The following PTPRT variants were observed in gnomAD, a reference collection of about 807,000 sequenced individuals.
PTPRT encodes protein tyrosine phosphatase receptor type T.
In PTPRT, 56 loss-of-function variants were observed where a neutral mutation model predicts 176.8. That is an observed-to-expected ratio of 0.32 (90% CI 0.26 to 0.40). The LOEUF (loss-of-function observed/expected upper bound fraction) is 0.40, where lower values mean the gene tolerates loss of function less well. Ranked by LOEUF, PTPRT falls within the 10% of genes least tolerant of loss-of-function variation. The probability of loss-of-function intolerance (pLI) is 1.00; values close to 1 mark genes in which losing one functional copy is unlikely to be tolerated. For missense variants in PTPRT, 1,540 were observed against 1,908.2 expected (o/e 0.81, Z 3.60); for synonymous variants, 783 against 739.0 (o/e 1.06, Z -0.96).
chr20:42,272,550 C>T (rs892146615), intron 13 of PTPRT, among the ~76,000 whole-genome samples: 1 of 152,184 alleles, frequency 6.6e-6, no homozygotes, highest in Non-Finnish European at 1.5e-5. Flanking sequence ...TAACTGCTCT[C>T]CCATTCTGTA....
At chr20:43,034,397 G>A (rs887375782) in intron 1 of PTPRT, among the ~76,000 whole-genome samples, 6 of 152,100 alleles carry the variant, frequency 3.9e-5, no homozygotes, top group Admixed American at 2.0e-4. Flanking sequence ...TGCCTGGTAT[G>A]TGTTGTAGGC....
chr20:42,732,822 G>A (rs982125753), intron 6 of PTPRT, among the ~76,000 whole-genome samples: 1 of 152,110 alleles, frequency 6.6e-6, no homozygotes, highest in East Asian at 1.9e-4. Context: ...AAGGAAAAAT[G>A]TACTGATTTT....
At chr20:43,144,107 T>G (rs1398588432) in intron 1 of PTPRT, among the ~76,000 whole-genome samples, 1 of 152,118 alleles carries the variant, frequency 6.6e-6, no homozygotes, top group Non-Finnish European at 1.5e-5. Flanking sequence ...TGCACAGATA[T>G]CCATCCACTT....
chr20:43,048,718 T>C (rs1259558938), intron 1 of PTPRT, among the ~76,000 whole-genome samples: 1 of 152,216 alleles, frequency 6.6e-6, no homozygotes, highest in Non-Finnish European at 1.5e-5. Context: ...TTTATTTTTC[T>C]GGCGATAGTG....
intron 7 of PTPRT, among the ~76,000 whole-genome samples, chr20:42,674,919 A>AG (rs1414818222): frequency 0.019 from 2,850 of 152,252 alleles, 95 homozygotes; most frequent in African/African-American, 0.066. Context: ...AACCCAATTA[A>AG]TATATGAAAG....
chr20:42,208,995 C>T (rs1001341150), intron 15 of PTPRT, among the ~76,000 whole-genome samples: 3 of 152,188 alleles, frequency 2.0e-5, no homozygotes, highest in African/African-American at 7.2e-5. Flanking sequence ...AAGAATCTCA[C>T]TCAAAACCGC....
intron 7 of PTPRT, among the ~76,000 whole-genome samples, chr20:42,655,782 A>G (rs2145983501): frequency 6.6e-6 from 1 of 152,312 alleles, no homozygotes; most frequent in East Asian, 1.9e-4. Flanking sequence ...TGGAGTAGCT[A>G]TTTACCAAAT....
In PTPRT at chr20:42,403,448, A is replaced by G. The variant is rs142052332; in HGVS notation, c.1560+44772T>C. Reference sequence around the variant, plus strand: ...ATAAACAGATACCTTCCTCAAGTGCATCAAATAGTTACTACTACTACCTAC... The same window carrying G: ...ATAAACAGATACCTTCCTCAAGTGCGTCAAATAGTTACTACTACTACCTAC... On this transcript the variant is annotated intron_variant, in intron 9 of 30. Coordinates refer to ENST00000373187, the MANE Select transcript of PTPRT (RefSeq NM_007050.6). 4.4e-3 allele frequency among the ~76,000 whole-genome samples: 675 copies of G among 152,298 alleles called. 2 individuals are homozygous for G. The highest frequency in any genetic ancestry group is 0.015 in the African/African-American group (634 of 41,570).
intron 22 of PTPRT, among the ~76,000 whole-genome samples, 198 bp from the exon 23 acceptor site, chr20:42,110,685 C>T (rs1280878798): frequency 6.6e-6 from 1 of 152,192 alleles, no homozygotes; most frequent in Non-Finnish European, 1.5e-5. Context: ...TAAAACGAAA[C>T]CGATGGCTTT....
At chr20:42,392,789 T>C (rs1434466631) in intron 9 of PTPRT, among the ~76,000 whole-genome samples, 1 of 152,178 alleles carries the variant, frequency 6.6e-6, no homozygotes, top group Non-Finnish European at 1.5e-5. Context: ...GCATGGGTGG[T>C]GCAGGGAAGA....
At chr20:42,753,784 C>T (rs1406742277) in intron 6 of PTPRT, among the ~76,000 whole-genome samples, 1 of 152,254 alleles carries the variant, frequency 6.6e-6, no homozygotes, top group Non-Finnish European at 1.5e-5. Context: ...GGATGCTCCA[C>T]CACATCCTCT....
At chr20:42,449,939 G>A (rs923261071) in intron 8 of PTPRT, among the ~76,000 whole-genome samples, 8 of 152,066 alleles carry the variant, frequency 5.3e-5, no homozygotes, top group African/African-American at 1.9e-4. Flanking sequence ...ATTAAAAAAA[G>A]ATATGCCTAT....
At chr20:42,930,242 G>A (rs1568685469) in intron 1 of PTPRT, among the ~76,000 whole-genome samples, 1 of 152,146 alleles carries the variant, frequency 6.6e-6, no homozygotes, top group Non-Finnish European at 1.5e-5. Context: ...CCACCCAACT[G>A]CCCTCCTAGG....
intron 2 of PTPRT, among the ~76,000 whole-genome samples, chr20:42,824,144 A>G (rs1455026930): frequency 6.6e-6 from 1 of 152,110 alleles, no homozygotes; most frequent in Non-Finnish European, 1.5e-5. Context: ...AGATACAGGT[A>G]ACGATTCTGA....
intron 1 of PTPRT, among the ~76,000 whole-genome samples, chr20:42,974,616 C>T (rs1174137305): frequency 6.6e-6 from 1 of 152,128 alleles, no homozygotes; most frequent in Admixed American, 6.5e-5. Flanking sequence ...GAAATGAGAT[C>T]ATATCTGCTA....
chr20:42,072,541 A>G (rs184843036), downstream of PTPRT, among the ~76,000 whole-genome samples: 292 of 152,228 alleles, frequency 1.9e-3, 1 homozygote, highest in African/African-American at 6.7e-3. Context: ...TTTACACTCA[A>G]CCCTTTTACT....
the PTPRT span, among the ~76,000 whole-genome samples, chr20:42,035,499 G>A: frequency 6.6e-6 from 1 of 152,146 alleles, no homozygotes; most frequent in Non-Finnish European, 1.5e-5. Context: ...AGCTCACAGA[G>A]ACCCTCAGCC....
At chr20:42,754,444 A>T (rs2076802260) in intron 6 of PTPRT, among the ~76,000 whole-genome samples, 1 of 150,146 alleles carries the variant, frequency 6.7e-6, no homozygotes, top group Non-Finnish European at 1.5e-5. Flanking sequence ...ACACCCAGCT[A>T]TTTTTTGTAT....
chr20:42,110,541 C>T (rs2146293262), intron 22 of PTPRT, 54 bp from the exon 23 acceptor site: 1 of 1,531,016 alleles, frequency 6.5e-7, no homozygotes, highest in South Asian at 1.3e-5. Flanking sequence ...CATACCCAGC[C>T]CAGCAACACG....
Sources: gnomAD v4.1 joint callset for allele counts (sites outside exome capture counted in the v4.1 genomes callset) on GRCh38, gnomAD v4.1.1 for gene constraint, MANE v1.5 for transcripts, NCBI Gene and HGNC (gene_info 2026-07-23, HGNC 2026-07-21) for gene names.